Variants in IGSF21 observed in about 807,000 individuals in gnomAD.
IGSF21 encodes immunoglobin superfamily member 21, also known as immunoglobulin superfamily member 21.
A neutral mutation model predicts 46.8 loss-of-function variants in IGSF21; 28 were observed. The observed-to-expected ratio is 0.60, with a 90% CI of 0.44 to 0.82. The LOEUF (loss-of-function observed/expected upper bound fraction) is 0.82. Among genes scored for constraint, IGSF21 ranks in the 40% least tolerant of loss-of-function variants. The pLI is 0.00. For synonymous variants in IGSF21, 284 were observed against 273.6 expected (o/e 1.04, Z -0.38); for missense variants, 624 against 665.5 (o/e 0.94, Z 0.69).
Position 18,365,130 on chromosome 1 carries a change from C to T in IGSF21, c.541-93C>T, listed in dbSNP as rs1416213681. 5.3e-6 allele frequency: 5 copies of T among 937,888 alleles called. No individual in the cohort carries two copies. The highest frequency in any genetic ancestry group is 6.7e-6 in the Non-Finnish European group (4 of 601,276). The allele number at this position is 937,888 out of a possible 1,614,324, so 58.1% of individuals were successfully genotyped here. A position where few individuals can be genotyped will look rare whatever the true frequency, so the allele number is the denominator to read the frequency against. On this transcript the variant is annotated intron_variant, in intron 5 of 9. Transcript: ENST00000251296. The surrounding 1 kb of genome is among the most constrained non-coding windows in gnomAD (Gnocchi z 4.8). ...TCTAGACTACTATGCTCTGGAAGAA[C>T]TGGCATCCTGTGCCCAGTTCATCGG...
intron 3 of IGSF21, among the ~76,000 whole-genome samples, chr1:18,305,730 G>A (rs1198401541): frequency 2.0e-5 from 3 of 152,194 alleles, no homozygotes; most frequent in African/African-American, 4.8e-5. Flanking sequence ...AAAAGTTGGT[G>A]GACCATTGGG....
chr1:18,281,431 T>C (rs2085160142), intron 2 of IGSF21, among the ~76,000 whole-genome samples: 2 of 151,964 alleles, frequency 1.3e-5, no homozygotes, highest in South Asian at 4.2e-4. Flanking sequence ...CCAGTCGTGG[T>C]GGTGGGCACC....
intron 1 of IGSF21, among the ~76,000 whole-genome samples, chr1:18,177,006 T>A (rs138986023): frequency 1.1e-3 from 167 of 152,326 alleles, no homozygotes; most frequent in Admixed American, 2.2e-3. Flanking sequence ...TATTTCCCCC[T>A]TTAACAGATG....
rs751192052 is a variant in IGSF21, at chr1:18,292,002, G to C, written c.305+15G>C. 1 of 1,611,426 alleles carries C rather than the reference G, an allele frequency of 6.2e-7. No homozygotes were observed. Among genetic ancestry groups the C allele is most frequent in the South Asian group, 1.1e-5 (1 of 90,800 alleles). On this transcript the variant is annotated intron_variant, in intron 3 of 9. Coordinates refer to ENST00000251296, the MANE Select transcript of IGSF21 (RefSeq NM_032880.5). The stretch of plus-strand genomic sequence containing the variant: ...TCCACTGTGAGGTGAGTGCCTGGGG[G>C]TGGCGGGCCGACAGCGGGGGAAGGG...
intron 6 of IGSF21, among the ~76,000 whole-genome samples, chr1:18,374,995 C>G (rs10465917): frequency 0.02 from 3,109 of 152,254 alleles, 80 homozygotes; most frequent in East Asian, 0.11. Context: ...CTGTCCCATG[C>G]CCTGGCTGTT....
At chr1:18,201,198 G>C (rs1251850570) in intron 1 of IGSF21, among the ~76,000 whole-genome samples, 1 of 152,158 alleles carries the variant, frequency 6.6e-6, no homozygotes, top group Non-Finnish European at 1.5e-5. Context: ...GAGCAGCCCT[G>C]GGAGACTGAG....
At chr1:18,278,927 T>A in intron 2 of IGSF21, 1 of 471,470 alleles carries the variant, frequency 2.1e-6, no homozygotes, top group Non-Finnish European at 4.4e-6. Flanking sequence ...TTTTACACTT[T>A]CCTGCATGTT....
chr1:18,113,601 A>ACCCCCCCCCCC (rs36119627), intron 1 of IGSF21: 408 of 137,762 alleles, frequency 3.0e-3, no homozygotes, highest in Non-Finnish European at 4.0e-3. Context: ...CCAACCCCGC[A>ACCCCCCCCCCC]CCCCACCCCC....
At chr1:18,148,297 A>AT (rs1330059230) in intron 1 of IGSF21, among the ~76,000 whole-genome samples, 4 of 151,306 alleles carry the variant, frequency 2.6e-5, no homozygotes, top group African/African-American at 7.3e-5. Flanking sequence ...TGCCCAGCTA[A>AT]TTTTTTTTGT....
Position 18,359,385 on chromosome 1 carries a change from A to AGAAAGAAAGAAT in IGSF21, c.425-2729_425-2728insAAAGAAAGAATG, listed in dbSNP as rs1557659641. ...AAGAAAGAAAGAAAGAAAGAAAGAA[A>AGAAAGAAAGAAT]GGAAGGAAGGAAGGAAGGAAGGAAG... On this transcript the variant is annotated intron_variant, in intron 4 of 9. Coordinates refer to ENST00000251296, the MANE Select transcript of IGSF21 (RefSeq NM_032880.5). Among the ~76,000 whole-genome samples the AGAAAGAAAGAAT allele has an allele frequency of 7.0e-4, 48 of 68,538 alleles. 1 individual carries two copies. Among genetic ancestry groups the AGAAAGAAAGAAT allele is most frequent in the African/African-American group, 2.8e-3 (46 of 16,578 alleles). 45.0% of individuals were successfully genotyped at this position (68,538 alleles called of 152,430 possible).
At chr1:18,284,474 T>A (rs2124559023) in intron 2 of IGSF21, among the ~76,000 whole-genome samples, 1 of 152,336 alleles carries the variant, frequency 6.6e-6, no homozygotes, top group East Asian at 1.9e-4. Context: ...AGCTGAGCAA[T>A]AAATTCACAC....
chr1:18,162,009 G>A (rs567615446), intron 1 of IGSF21, among the ~76,000 whole-genome samples: 24 of 152,026 alleles, frequency 1.6e-4, no homozygotes, highest in East Asian at 3.9e-4. Context: ...ACAATGATTC[G>A]ATTTCCTGTT....
intron 4 of IGSF21, among the ~76,000 whole-genome samples, chr1:18,353,719 C>T (rs2085984614): frequency 6.6e-6 from 1 of 152,178 alleles, no homozygotes. Flanking sequence ...GGGGAAGCTG[C>T]ACATGCAAAG....
intron 1 of IGSF21, among the ~76,000 whole-genome samples, chr1:18,145,705 C>A (rs1233205278): frequency 6.6e-6 from 1 of 152,172 alleles, no homozygotes; most frequent in Admixed American, 6.5e-5. Flanking sequence ...AATGCCATCC[C>A]TCATGTCGGC....
At chr1:18,267,617 C>T (rs1002371589) in intron 2 of IGSF21, among the ~76,000 whole-genome samples, 4 of 152,188 alleles carry the variant, frequency 2.6e-5, no homozygotes, top group Non-Finnish European at 4.4e-5. Flanking sequence ...ATGGAGGAAG[C>T]GGGAGAAGAG....
intron 1 of IGSF21, among the ~76,000 whole-genome samples, chr1:18,127,495 C>T (rs982479330): frequency 5.9e-5 from 9 of 152,086 alleles, no homozygotes; most frequent in East Asian, 3.9e-4. Flanking sequence ...ATCAGGGCCA[C>T]GTGGAGAACT....
intron 2 of IGSF21, among the ~76,000 whole-genome samples, chr1:18,266,941 G>A (rs1231845117): frequency 1.3e-5 from 2 of 151,582 alleles, no homozygotes; most frequent in African/African-American, 4.9e-5. Context: ...CAGCAAATGG[G>A]GTCAATGAAA....
At chr1:18,259,362 T>C (rs1456915650) in intron 2 of IGSF21, among the ~76,000 whole-genome samples, 1 of 152,198 alleles carries the variant, frequency 6.6e-6, no homozygotes, top group East Asian at 1.9e-4. Flanking sequence ...CACCATGAAC[T>C]CATTGTGGAC....
At chr1:18,277,239 T>G (rs1156861812) in intron 2 of IGSF21, among the ~76,000 whole-genome samples, 1 of 152,212 alleles carries the variant, frequency 6.6e-6, no homozygotes, top group Non-Finnish European at 1.5e-5. Context: ...GGCCGATCAC[T>G]CCATCACTCT....
Sources: allele counts gnomAD v4.1 joint callset (sites outside exome capture counted in the v4.1 genomes callset), GRCh38; gene constraint gnomAD v4.1.1; non-coding constraint Gnocchi (gnomAD v3.1); transcripts MANE v1.5; gene names NCBI Gene and HGNC (gene_info 2026-07-23, HGNC 2026-07-21).